The following PRMT7 variants were observed in gnomAD, a reference collection of about 807,000 sequenced individuals.
PRMT7 encodes protein arginine N-methyltransferase 7.
In PRMT7, 75 loss-of-function variants were observed where a neutral mutation model predicts 85.4. That is an observed-to-expected ratio of 0.88 (90% CI 0.73 to 1.06). The LOEUF (loss-of-function observed/expected upper bound fraction) is 1.06. Ranked by LOEUF, PRMT7 falls within the 50% of genes least tolerant of loss-of-function variation. The pLI, the probability that PRMT7 is intolerant of heterozygous loss-of-function variation, is 0.00. For missense variants in PRMT7, 868 were observed against 915.2 expected, an observed-to-expected ratio of 0.95 and a Z score of 0.67; for synonymous variants, 397 against 359.5, an observed-to-expected ratio of 1.10 and a Z score of -1.18.
intron 3 of PRMT7, among the ~76,000 whole-genome samples, chr16:68,319,711 A>AGTGTGTGTGTGT (rs369478826): frequency 0.07 from 9,921 of 141,390 alleles, 465 homozygotes; most frequent in African/African-American, 0.099. Flanking sequence ...TAAGAGTGAG[A>AGTGTGTGTGTGT]GTGTGTGTGT....
At chr16:68,318,349 G>A (rs768103275) in intron 3 of PRMT7, among the ~76,000 whole-genome samples, 1 of 151,702 alleles carries the variant, frequency 6.6e-6, no homozygotes, top group Non-Finnish European at 1.5e-5. Context: ...ACAGGTGCCC[G>A]CTGCCACGCC....
At position 68,322,776 on chromosome 16, in the gene PRMT7, T is replaced by C. The variant is rs139843855; in HGVS notation, c.132+1314T>C. On this transcript the variant is annotated intron_variant, in intron 4 of 18. Transcript: ENST00000441236. ...GGCCAGGCACGGTGGCTCATGCCTG[T>C]AATCCCAGCACTTTGGGAAGCCGAG... Among the ~76,000 whole-genome samples, 955 of 152,140 alleles carry C rather than the reference T, an allele frequency of 6.3e-3. 10 individuals are homozygous for C. The highest frequency in any genetic ancestry group is 0.021 in the African/African-American group (887 of 41,500).
chr16:68,346,482 G>A (rs945257407), intron 11 of PRMT7, among the ~76,000 whole-genome samples: 2 of 152,182 alleles, frequency 1.3e-5, no homozygotes, highest in African/African-American at 4.8e-5. Context: ...CTTGCTCTCT[G>A]CTCTACTGGG....
chr16:68,315,467 A>G (rs2044607503), intron 2 of PRMT7: 1 of 157,380 alleles, frequency 6.4e-6, no homozygotes, highest in African/African-American at 2.4e-5. Flanking sequence ...TCCTGGTTTG[A>G]CTTGCTCTAT....
chr16:68,313,990 G>A (rs1567621289), intron 2 of PRMT7, among the ~76,000 whole-genome samples: 1 of 152,178 alleles, frequency 6.6e-6, no homozygotes, highest in Admixed American at 6.5e-5. Flanking sequence ...GGCCTTGTTC[G>A]TAGGAAGTCA....
chr16:68,311,152 A>G, intron 1 of PRMT7, 53 bp downstream of exon 1: 1 of 646,568 alleles, frequency 1.5e-6, no homozygotes, highest in Non-Finnish European at 2.8e-6. Flanking sequence ...TTCTGTGTGC[A>G]GCGAGCATGG....
intron 5 of PRMT7, among the ~76,000 whole-genome samples, chr16:68,326,481 G>C (rs1404428226): frequency 6.6e-6 from 1 of 152,142 alleles, no homozygotes; most frequent in Non-Finnish European, 1.5e-5. Flanking sequence ...CCTGATCTCA[G>C]GGGATCCCCC....
At chr16:68,319,628 C>T (rs1490923534) in intron 3 of PRMT7, among the ~76,000 whole-genome samples, 1 of 151,156 alleles carries the variant, frequency 6.6e-6, no homozygotes, top group Non-Finnish European at 1.5e-5. Context: ...TTTCAGTGCA[C>T]CGCTCTTCAA....
chr16:68,323,088 A>G (rs2082691980), intron 4 of PRMT7, among the ~76,000 whole-genome samples: 1 of 152,198 alleles, frequency 6.6e-6, no homozygotes, highest in South Asian at 2.1e-4. Flanking sequence ...GATTGTATCT[A>G]AGACATAAAT....
chr16:68,337,446 T>G lies in PRMT7; in HGVS notation c.392-13T>G, dbSNP rs1214290731. ...GTTGCTTATGTCCAACTCTGTTTTCTTGTGTTTTTCAGAGGGTGACATGCC... is the reference window on the plus strand; with the variant it reads ...GTTGCTTATGTCCAACTCTGTTTTCGTGTGTTTTTCAGAGGGTGACATGCC... On this transcript the variant is annotated splice_polypyrimidine_tract_variant and intron_variant, in intron 6 of 18. Transcript: ENST00000441236. 1 of 1,586,992 alleles carries G rather than the reference T, an allele frequency of 6.3e-7. No individual in the cohort carries two copies. The highest frequency in any genetic ancestry group is 2.2e-5 in the East Asian group (1 of 44,634).
At chr16:68,321,488 T>G (rs909338049) in intron 4 of PRMT7, 26 bp downstream of exon 4, 7 of 1,587,330 alleles carry the variant, frequency 4.4e-6, no homozygotes, top group Non-Finnish European at 6.0e-6. Flanking sequence ...AACTATTATC[T>G]TGATGTGGGG....
At position 68,357,543 on chromosome 16, in the gene PRMT7, G is replaced by T; in HGVS notation, c.*319G>T. The stretch of plus-strand genomic sequence containing the variant: ...CAGCTGGGAAGGGAGTGGAAGCACA[G>T]GGAGCTTGTGGGGCTGGCCGGTGGG... On this transcript the variant is annotated 3_prime_UTR_variant, in exon 19 of 19. Coordinates refer to ENST00000441236, the MANE Select transcript of PRMT7 (RefSeq NM_019023.5). 1 of 274,182 alleles carries T rather than the reference G, an allele frequency of 3.6e-6. No homozygotes were observed. Among genetic ancestry groups the T allele is most frequent in the Admixed American group, 4.9e-5 (1 of 20,260 alleles). 17.0% of individuals were successfully genotyped at this position (274,182 alleles called of 1,614,324 possible).
intron 5 of PRMT7, chr16:68,328,537 T>C (rs992876828): frequency 1.4e-5 from 2 of 140,310 alleles, no homozygotes; most frequent in Admixed American, 7.2e-5. Flanking sequence ...AAAAAAATGG[T>C]ATACATAAGG....
chr16:68,356,749 C>T lies in PRMT7; in HGVS notation c.1860C>T (p.Thr620=). The T allele has an allele frequency of 6.2e-7, 1 of 1,611,402 alleles. No homozygotes were observed. The highest frequency in any genetic ancestry group is 8.5e-7 in the Non-Finnish European group (1 of 1,179,850). The change falls in exon 18 of 19, where the codon ACC becomes ACT. Residue 620 remains threonine, a synonymous_variant. Coordinates refer to ENST00000441236, the MANE Select transcript of PRMT7 (RefSeq NM_019023.5). ...TGCTATGGATGGAGTACCACCTGAC[C>T]CCGGAGTGCACGCTCAGCACTGGCC... ...AAVLWMEYHL[T]PECTLSTGLL...
chr16:68,343,519 GT>G (rs1164101622), intron 9 of PRMT7, among the ~76,000 whole-genome samples: 1 of 152,158 alleles, frequency 6.6e-6, no homozygotes, highest in African/African-American at 2.4e-5. Context: ...TATTTAGTCT[GT>G]CCCACCTTGG....
Position 68,329,047 on chromosome 16 carries a change from T to G in PRMT7, c.283-19T>G. Reference sequence around the variant, plus strand: ...AATTTATTGCTCATTTTTCCTTGGGTTTCGGCTCTATTTTCTAGGTTTTCA... The same window carrying G: ...AATTTATTGCTCATTTTTCCTTGGGGTTCGGCTCTATTTTCTAGGTTTTCA... On this transcript the variant is annotated intron_variant, in intron 5 of 18. Coordinates refer to ENST00000441236, the MANE Select transcript of PRMT7 (RefSeq NM_019023.5). 6.4e-7 allele frequency: 1 copy of G among 1,551,464 alleles called. No homozygotes were observed. The highest frequency in any genetic ancestry group is 8.9e-7 in the Non-Finnish European group (1 of 1,123,538).
At chr16:68,329,876 T>TACACA (rs2083609777) in intron 6 of PRMT7, among the ~76,000 whole-genome samples, 1 of 148,720 alleles carries the variant, frequency 6.7e-6, no homozygotes, top group South Asian at 2.1e-4. Context: ...TATGTATATG[T>TACACA]ACACACACAC....
chr16:68,351,991 A>G, intron 14 of PRMT7: 1 of 390,600 alleles, frequency 2.6e-6, no homozygotes, highest in Middle Eastern at 6.9e-4. Context: ...TGAGCACGGG[A>G]CTCATGTCTG....
rs1452337467 is a variant in PRMT7 at position 68,346,190 on chromosome 16, C to T, written c.1101C>T (p.Asp367=). 3 of 1,614,178 alleles carry T rather than the reference C, an allele frequency of 1.9e-6. No individual in the cohort carries two copies. The highest frequency in any genetic ancestry group is 2.5e-6 in the Non-Finnish European group (3 of 1,180,034). Residue 367 remains aspartate (D), a synonymous_variant, in exon 11 of 19, where the codon GAC becomes GAT. Transcript: ENST00000441236. ...ERVRQMRPVC[D]CQAHLLWNRP... ...TCCGCCAGATGCGCCCCGTGTGTGA[C>T]TGCCAGGCTCACCTGCTCTGGAACC...
Sources: allele counts gnomAD v4.1 joint callset (sites outside exome capture counted in the v4.1 genomes callset), GRCh38; gene constraint gnomAD v4.1.1; transcripts MANE v1.5; gene names NCBI Gene and HGNC (gene_info 2026-07-23, HGNC 2026-07-21).